CST11: variants seen among roughly 807,000 people sequenced by gnomAD.
CST11 encodes the protein cystatin-11.
CST11 carries 13 observed loss-of-function variants against 14.0 expected under a neutral mutation model. The observed-to-expected ratio is 0.93, with a 90% CI of 0.60 to 1.47. The LOEUF (loss-of-function observed/expected upper bound fraction) is 1.47, where lower values mean the gene tolerates loss of function less well. CST11 is among the 40% of genes most tolerant of loss of function. The pLI is 0.00. For synonymous variants in CST11, 64 were observed against 57.8 expected, an observed-to-expected ratio of 1.11 and a Z score of -0.48; for missense variants, 181 against 160.0, an observed-to-expected ratio of 1.13 and a Z score of -0.71.
intron 2 of CST11, 99 bp from the exon 3 acceptor site, chr20:23,450,688 C>CACCT (rs778563443): frequency 2.4e-5 from 17 of 712,120 alleles, no homozygotes; most frequent in Non-Finnish European, 3.7e-5. Flanking sequence ...AAAAGGCTAC[C>CACCT]ACCTCTCCAC....
chr20:23,451,791 A>G (rs1254332960), intron 2 of CST11, 25 bp downstream of exon 2: 4 of 1,552,072 alleles, frequency 2.6e-6, no homozygotes, highest in African/African-American at 2.7e-5. Context: ...ACTTCTGTCT[A>G]CGTTAAAGTG....
At chr20:23,450,625 GC>G in intron 2 of CST11, 36 bp from the exon 3 acceptor site, 1 of 1,527,138 alleles carries the variant, frequency 6.5e-7, no homozygotes, top group Non-Finnish European at 9.0e-7. Flanking sequence ...TTTAAAAGAC[GC>G]CAGGTGAAAT....
In CST11 at chr20:23,452,657, G is replaced by A. The variant is rs373640629; in HGVS notation, c.155C>T (p.Thr52Ile). Residue 52 changes from threonine to isoleucine, a missense_variant, in exon 1 of 3, where the codon ACC (threonine) becomes ATC (isoleucine). Transcript: ENST00000377009. ...NYAKDSLQWI[T>I]DQYNKESDDK... ...ATCACTTTCCTTGTTATACTGGTCGGTGATCCACTGCAAGCTGTCCTTCGC... is the reference window on the plus strand; with the variant it reads ...ATCACTTTCCTTGTTATACTGGTCGATGATCCACTGCAAGCTGTCCTTCGC... 3 of 1,613,936 alleles carry A rather than the reference G, an allele frequency of 1.9e-6. No individual in the cohort carries two copies. The highest frequency in any genetic ancestry group is 2.7e-5 in the African/African-American group (2 of 74,918).
Position 23,451,990 on chromosome 20 carries a change from G to A in CST11, c.229-70C>T, listed in dbSNP as rs1425246443. 6.0e-6 allele frequency: 7 copies of A among 1,175,882 alleles called. No individual in the cohort carries two copies. The African/African-American group carries it at 1.1e-4, about 18-fold the overall frequency. The allele number at this position is 1,175,882 out of a possible 1,614,324, so 72.8% of individuals were successfully genotyped here. On this transcript the variant is annotated intron_variant, in intron 1 of 2. Transcript: ENST00000377009. ...CCCTGTCTGCGGTTTCTGTGCCTGG[G>A]GGCTCCGCTACCCCACGTCCAAGGG...
intron 2 of CST11, among the ~76,000 whole-genome samples, chr20:23,451,216 T>C (rs1987078150): frequency 6.6e-6 from 1 of 152,188 alleles, no homozygotes; most frequent in African/African-American, 2.4e-5. Context: ...CATCCATCTG[T>C]CCATTGCACC....
rs374453804 is a variant in CST11 at position 23,452,584 on chromosome 20, C to T, written c.228G>A (p.Gln76=). Residue 76 remains glutamine, a splice_region_variant and synonymous_variant, in exon 1 of 3, where the codon CAG becomes CAA. Coordinates refer to ENST00000377009, the MANE Select transcript of CST11 (RefSeq NM_130794.2). ...RIFRVLKVQR[Q]VTDHLEYHLN... ...GAGAGGCGGGAAGTCATACACTCAC[C>T]TGCCTCTGGACTTTAAGGACTCGGA... 2 of 1,604,528 alleles carry T rather than the reference C, an allele frequency of 1.2e-6. No individual in the cohort carries two copies. The highest frequency in any genetic ancestry group is 1.7e-6 in the Non-Finnish European group (2 of 1,171,244).
chr20:23,450,561 G>A lies in CST11; in HGVS notation c.362C>T (p.Ala121Val). The A allele has an allele frequency of 6.2e-7, 1 of 1,610,842 alleles. No homozygotes were observed. Among genetic ancestry groups the A allele is most frequent in the Non-Finnish European group, 8.5e-7 (1 of 1,177,626 alleles). Residue 121 changes from alanine (A) to valine (V), a missense_variant, in exon 3 of 3, where the codon GCT becomes GTT. Ala to Val is a moderately conservative substitution (Grantham distance 64). Transcript: ENST00000377009. Reference protein sequence around the residue: ...KQVNCFFSVFAVPWFEQYKIL... With the variant: ...KQVNCFFSVFVVPWFEQYKIL... Reference sequence around the variant, plus strand: ...TTTGTACTGTTCAAACCAGGGTACAGCAAACACTGAGAAGAAGCAGTTGAC... The same window carrying A: ...TTTGTACTGTTCAAACCAGGGTACAACAAACACTGAGAAGAAGCAGTTGAC...
intron 2 of CST11, 102 bp downstream of exon 2, chr20:23,451,714 C>A: frequency 1.2e-6 from 1 of 840,320 alleles, no homozygotes; most frequent in Admixed American, 2.3e-5. Context: ...TTCAAGCCAG[C>A]TTGAGTAAAT....
chr20:23,452,528 G>T (rs1987120768), intron 1 of CST11, 56 bp downstream of exon 1: 3 of 1,109,442 alleles, frequency 2.7e-6, no homozygotes, highest in African/African-American at 1.5e-5. Flanking sequence ...TGACACCAGT[G>T]GCCACCCGAT....
chr20:23,450,873 T>C (rs899552078), intron 2 of CST11, among the ~76,000 whole-genome samples: 2 of 152,214 alleles, frequency 1.3e-5, no homozygotes, highest in African/African-American at 4.8e-5. Flanking sequence ...CTCTTCATTT[T>C]TACTCATTTT....
At position 23,450,506 on chromosome 20, in the gene CST11, C is replaced by G. The variant is rs745387568; in HGVS notation, c.417G>C (p.Ter139TyrextTer20). The change falls in exon 3 of 3, where the codon TAG becomes TAC. Residue 139 changes from the stop codon to tyrosine (Y), a stop_lost. Coordinates refer to ENST00000377009, the MANE Select transcript of CST11 (RefSeq NM_130794.2). Reference sequence around the variant, plus strand: ...GCCGCAGTTGTACACTCCAGGACACCTAGTCACTGCTGCAGCTTTTGTTCA... The same window carrying G: ...GCCGCAGTTGTACACTCCAGGACACGTAGTCACTGCTGCAGCTTTTGTTCA... ...KILNKSCSSD[*>Y] The G allele has an allele frequency of 2.5e-6, 4 of 1,609,086 alleles. No homozygotes were observed. Among genetic ancestry groups the G allele is most frequent in the Non-Finnish European group, 3.4e-6 (4 of 1,176,066 alleles).
intron 2 of CST11, 84 bp downstream of exon 2, chr20:23,451,732 A>T: frequency 3.1e-6 from 3 of 979,196 alleles, no homozygotes; most frequent in Non-Finnish European, 4.7e-6. Flanking sequence ...AATTCCAATT[A>T]ATTCTTCCCA....
intron 1 of CST11, 86 bp downstream of exon 1, chr20:23,452,497 TC>T (rs1413525005): frequency 1.2e-6 from 1 of 832,766 alleles, no homozygotes; most frequent in Non-Finnish European, 2.1e-6. Context: ...AGGTTGAATT[TC>T]CCTTGAGTGG....
At chr20:23,452,419 T>C (rs1256669902) in intron 1 of CST11, among the ~76,000 whole-genome samples, 165 bp downstream of exon 1, 1 of 152,202 alleles carries the variant, frequency 6.6e-6, no homozygotes, top group African/African-American at 2.4e-5. Flanking sequence ...GGGTTTTGTT[T>C]AAGTGCCTTA....
chr20:23,450,435 T>A lies in CST11; in HGVS notation c.*71A>T. The A allele has an allele frequency of 1.1e-6, 1 of 913,364 alleles. No homozygotes were observed. The allele number at this position is 913,364 out of a possible 1,614,324, so 56.6% of individuals were successfully genotyped here. On this transcript the variant is annotated 3_prime_UTR_variant, in exon 3 of 3. Transcript: ENST00000377009. ...AATATGTTGACAAACATTTATTGCC[T>A]ATATTAAGGATTATTGCCCATTGCA...
chr20:23,451,975 G>A (rs753165979), intron 1 of CST11, 55 bp from the exon 2 acceptor site: 32 of 1,392,568 alleles, frequency 2.3e-5, no homozygotes, highest in African/African-American at 5.8e-5. Flanking sequence ...CCCTGTCTGC[G>A]GTTTCTGTGC....
At chr20:23,451,205 T>A (rs1987077863) in intron 2 of CST11, among the ~76,000 whole-genome samples, 1 of 152,218 alleles carries the variant, frequency 6.6e-6, no homozygotes, top group Non-Finnish European at 1.5e-5. Context: ...CTTCATTTCT[T>A]CATCCATCTG....
At chr20:23,452,177 T>C (rs1193232856) in intron 1 of CST11, among the ~76,000 whole-genome samples, 1 of 152,232 alleles carries the variant, frequency 6.6e-6, no homozygotes, top group Non-Finnish European at 1.5e-5. Flanking sequence ...CTAGTGATTC[T>C]GGATAGGGGT....
chr20:23,452,388 G>A (rs772068674), intron 1 of CST11, among the ~76,000 whole-genome samples, 196 bp downstream of exon 1: 1 of 152,170 alleles, frequency 6.6e-6, no homozygotes, highest in Non-Finnish European at 1.5e-5. Flanking sequence ...GGGATGTAAT[G>A]TGCTGAGGAT....
Sources: gnomAD v4.1 joint callset for allele counts (sites outside exome capture counted in the v4.1 genomes callset) on GRCh38, gnomAD v4.1.1 for gene constraint, MANE v1.5 for transcripts, NCBI Gene and HGNC (gene_info 2026-07-23, HGNC 2026-07-21) for gene names.